HPSE2: variants seen among roughly 807,000 people sequenced by gnomAD.
HPSE2 encodes the protein heparanase 2 (inactive), also known as inactive heparanase-2.
In HPSE2, 38 loss-of-function variants were observed where a neutral mutation model predicts 60.5. The observed-to-expected ratio is 0.63, with a 90% CI of 0.48 to 0.82. The LOEUF is 0.82. HPSE2 is among the 40% of genes least tolerant of loss of function. The probability of loss-of-function intolerance (pLI) is 0.00; values close to 1 mark genes in which losing one functional copy is unlikely to be tolerated. For synonymous variants in HPSE2, 295 were observed against 293.2 expected (o/e 1.01, Z -0.06); for missense variants, 713 against 740.4 (o/e 0.96, Z 0.43).
chr10:98,794,986 G>A (rs1158229558), intron 3 of HPSE2, among the ~76,000 whole-genome samples: 2 of 126,968 alleles, frequency 1.6e-5, no homozygotes, highest in East Asian at 5.6e-4. Context: ...GGAGGGGAGG[G>A]AAAGGGAGGG....
intron 3 of HPSE2, among the ~76,000 whole-genome samples, chr10:99,009,485 A>G (rs1317932146): frequency 1.3e-5 from 2 of 152,250 alleles, no homozygotes; most frequent in East Asian, 1.9e-4. Flanking sequence ...CTCCCTCCAG[A>G]GCCGGGTTAC....
rs1484442547 is a variant in HPSE2, at chr10:98,482,801, G to C, written c.1467-19C>G. 2 of 1,613,840 alleles carry C rather than the reference G, an allele frequency of 1.2e-6. No homozygotes were observed. Among genetic ancestry groups the C allele is most frequent in the Non-Finnish European group, 1.7e-6 (2 of 1,179,728 alleles). On this transcript the variant is annotated intron_variant, in intron 10 of 11. Coordinates refer to ENST00000370552, the MANE Select transcript of HPSE2 (RefSeq NM_021828.5). ...GTTGTGGCTGAGATCCAGAGAAAGA[G>C]AGAAGTGAAAGATGGAAACAAAGTG...
At chr10:99,108,189 A>C (rs1034296745) in intron 3 of HPSE2, among the ~76,000 whole-genome samples, 1 of 152,184 alleles carries the variant, frequency 6.6e-6, no homozygotes, top group South Asian at 2.1e-4. Flanking sequence ...TAAGAATGAA[A>C]AAAAGAGACA....
intron 3 of HPSE2, among the ~76,000 whole-genome samples, chr10:99,130,901 C>T (rs1463832673): frequency 6.6e-6 from 1 of 151,982 alleles, no homozygotes; most frequent in Non-Finnish European, 1.5e-5. Flanking sequence ...GAAGGGGCTG[C>T]CAGTGAAAGA....
At chr10:98,963,200 G>C (rs944059012) in intron 3 of HPSE2, among the ~76,000 whole-genome samples, 1 of 151,954 alleles carries the variant, frequency 6.6e-6, no homozygotes, top group Admixed American at 6.6e-5. Flanking sequence ...GTCCTTTGGA[G>C]TATGCAGAAA....
intron 9 of HPSE2, among the ~76,000 whole-genome samples, chr10:98,595,977 CA>C (rs1470309972): frequency 6.6e-6 from 1 of 152,100 alleles, no homozygotes; most frequent in Non-Finnish European, 1.5e-5. Flanking sequence ...TTTTGTCCTT[CA>C]TTCTGTTAAT....
chr10:99,091,422 T>A (rs1397575032), intron 3 of HPSE2, among the ~76,000 whole-genome samples: 2 of 152,114 alleles, frequency 1.3e-5, no homozygotes, highest in African/African-American at 4.8e-5. Context: ...TGAACCCAGG[T>A]CTCTAGACTC....
chr10:98,937,593 C>A (rs1259621056), intron 3 of HPSE2, among the ~76,000 whole-genome samples: 1 of 143,984 alleles, frequency 6.9e-6, no homozygotes, highest in Non-Finnish European at 1.5e-5. Context: ...GAAGCTCGAA[C>A]TGGGTGGAGC....
chr10:98,987,109 T>C (rs11189924), intron 3 of HPSE2, among the ~76,000 whole-genome samples: 68,728 of 150,774 alleles, frequency 0.46, 17,634 homozygotes, highest in Non-Finnish European at 0.59. Context: ...TTCCGATCAA[T>C]AGAAAAAGAG....
At chr10:99,044,862 T>C (rs1247898404) in intron 3 of HPSE2, among the ~76,000 whole-genome samples, 1 of 152,168 alleles carries the variant, frequency 6.6e-6, no homozygotes, top group Non-Finnish European at 1.5e-5. Flanking sequence ...CTCAGATTCA[T>C]AAAACAAGTT....
intron 3 of HPSE2, among the ~76,000 whole-genome samples, chr10:99,109,660 G>A (rs920303161): frequency 2.0e-5 from 3 of 152,056 alleles, no homozygotes; most frequent in Non-Finnish European, 2.9e-5. Context: ...TCCAGAATGC[G>A]CTTTGGCTAC....
chr10:98,562,055 G>A (rs940966313), intron 9 of HPSE2, among the ~76,000 whole-genome samples: 1 of 146,754 alleles, frequency 6.8e-6, no homozygotes, highest in Non-Finnish European at 1.5e-5. Flanking sequence ...CTCTATACAG[G>A]TGTACCATTT....
intron 2 of HPSE2, among the ~76,000 whole-genome samples, chr10:99,200,673 AAATGATGAC>A (rs1245623243): frequency 3.1e-5 from 3 of 98,272 alleles, no homozygotes; most frequent in Non-Finnish European, 7.9e-5. Context: ...ATCAATAATA[AAATGATGAC>A]AATGATGATG....
At chr10:99,293,825 A>G in the HPSE2 span, among the ~76,000 whole-genome samples, 1 of 152,192 alleles carries the variant, frequency 6.6e-6, no homozygotes, top group African/African-American at 2.4e-5. Context: ...ATAGAGGAAA[A>G]TATGTGCAGG....
intron 3 of HPSE2, among the ~76,000 whole-genome samples, chr10:99,103,862 T>C (rs181365022): frequency 4.0e-4 from 61 of 152,216 alleles, no homozygotes; most frequent in Non-Finnish European, 6.3e-4. Context: ...TTGACAAACC[T>C]GACAAGAACA....
the HPSE2 span, among the ~76,000 whole-genome samples, chr10:99,308,182 G>A: frequency 6.6e-6 from 1 of 151,916 alleles, no homozygotes; most frequent in East Asian, 1.9e-4. Context: ...GAGATCAGGA[G>A]TTCAAGATTA....
chr10:99,296,907 G>T, the HPSE2 span, among the ~76,000 whole-genome samples: 1 of 152,142 alleles, frequency 6.6e-6, no homozygotes, highest in Non-Finnish European at 1.5e-5. Context: ...ACAGCAGTTG[G>T]CAGGAAGGCA....
At chr10:99,131,659 T>C (rs1845389392) in intron 3 of HPSE2, among the ~76,000 whole-genome samples, 1 of 152,090 alleles carries the variant, frequency 6.6e-6, no homozygotes, top group African/African-American at 2.4e-5. Context: ...AACCAAACAT[T>C]GTATGTTCTC....
chr10:99,269,903 T>C, the HPSE2 span, among the ~76,000 whole-genome samples: 3 of 152,188 alleles, frequency 2.0e-5, no homozygotes, highest in East Asian at 1.9e-4. Context: ...GAAATCAACA[T>C]GGAAATTTAA....
Sources: gnomAD v4.1 joint callset for allele counts (sites outside exome capture counted in the v4.1 genomes callset) on GRCh38, gnomAD v4.1.1 for gene constraint, MANE v1.5 for transcripts, NCBI Gene and HGNC (gene_info 2026-07-23, HGNC 2026-07-21) for gene names.